DHX35: variants seen among roughly 807,000 people sequenced by gnomAD.
DHX35 encodes probable ATP-dependent RNA helicase DHX35.
DHX35 carries 84 observed loss-of-function variants against 99.6 expected under a neutral mutation model. The ratio of observed to expected loss-of-function variants is 0.84; its 90% CI spans 0.71 to 1.01. The LOEUF is 1.01. DHX35 is among the 50% of genes least tolerant of loss of function. DHX35 has a pLI of 0.00. For missense variants in DHX35, 852 were observed against 888.5 expected (o/e 0.96, Z 0.52); for synonymous variants, 331 against 316.2 (o/e 1.05, Z -0.50).
chr20:39,009,810 G>A (rs1389904959), intron 12 of DHX35, among the ~76,000 whole-genome samples: 1 of 152,086 alleles, frequency 6.6e-6, no homozygotes, highest in Non-Finnish European at 1.5e-5. Context: ...ATGATATTGT[G>A]TACCTGGCTT....
chr20:38,983,306 GT>G (rs2086201822), intron 3 of DHX35, among the ~76,000 whole-genome samples: 1 of 152,198 alleles, frequency 6.6e-6, no homozygotes, highest in South Asian at 2.1e-4. Context: ...GCTGAAATGT[GT>G]TGTGTGGTTG....
intron 11 of DHX35, among the ~76,000 whole-genome samples, chr20:39,005,939 G>A (rs531040441): frequency 6.6e-6 from 1 of 152,212 alleles, no homozygotes; most frequent in Admixed American, 6.5e-5. Context: ...TCAGGAGGTT[G>A]AGTAACTTGT....
At chr20:38,988,550 A>T (rs1194565708) in intron 4 of DHX35, among the ~76,000 whole-genome samples, 2 of 152,058 alleles carry the variant, frequency 1.3e-5, no homozygotes, top group East Asian at 3.9e-4. Flanking sequence ...GGATTGCTTG[A>T]ACTTGGGAGG....
chr20:38,992,336 A>G lies in DHX35; in HGVS notation c.513-20A>G. The G allele has an allele frequency of 6.2e-7, 1 of 1,613,058 alleles. No homozygotes were observed. The highest frequency in any genetic ancestry group is 8.5e-7 in the Non-Finnish European group (1 of 1,179,088). On this transcript the variant is annotated intron_variant, in intron 6 of 21. Coordinates refer to ENST00000252011, the MANE Select transcript of DHX35 (RefSeq NM_021931.4). ...GTGGCTTTTTTAGAGGCTCACTGAG[A>G]GCTTCTCTTTGATTCTTAGTGTCAT...
intron 8 of DHX35, among the ~76,000 whole-genome samples, chr20:38,995,930 C>T (rs2086422167): frequency 6.6e-6 from 1 of 152,196 alleles, no homozygotes; most frequent in Non-Finnish European, 1.5e-5. Context: ...GCCAGGCCCT[C>T]ATGGGTGAAT....
intron 1 of DHX35, among the ~76,000 whole-genome samples, chr20:38,965,242 A>T (rs1329541729): frequency 2.0e-5 from 3 of 152,242 alleles, no homozygotes; most frequent in African/African-American, 7.2e-5. Flanking sequence ...AGTCACTTTC[A>T]TTTACACATC....
chr20:38,998,569 T>TA (rs1304130670), intron 8 of DHX35, among the ~76,000 whole-genome samples: 1 of 152,238 alleles, frequency 6.6e-6, no homozygotes, highest in Non-Finnish European at 1.5e-5. Flanking sequence ...GTATGCTTCT[T>TA]ACCATGTCTG....
intron 3 of DHX35, among the ~76,000 whole-genome samples, chr20:38,980,165 T>C (rs2086149879): frequency 6.6e-6 from 1 of 152,046 alleles, no homozygotes; most frequent in South Asian, 2.1e-4. Context: ...GGTGACTAGC[T>C]TTATGGACAG....
chr20:39,015,047 C>G, intron 14 of DHX35, 113 bp downstream of exon 14: 1 of 1,198,852 alleles, frequency 8.3e-7, no homozygotes, highest in Non-Finnish European at 1.2e-6. Context: ...ATTGGTTCTC[C>G]CCATATATAT....
At position 38,978,203 on chromosome 20, in the gene DHX35, CTTTAA is replaced by C. The variant is rs2086112931; in HGVS notation, c.268-5493_268-5489del. 3.8e-6 allele frequency: 4 copies of C among 1,051,546 alleles called. No homozygotes were observed. The South Asian group carries it at 5.0e-5, about 13-fold the overall frequency. 65.1% of individuals were successfully genotyped at this position (1,051,546 alleles called of 1,614,324 possible). A position where few individuals can be genotyped will look rare whatever the true frequency, so the allele number is the denominator to read the frequency against. On this transcript the variant is annotated intron_variant, in intron 3 of 21. Transcript: ENST00000252011. ...GACATTTTCAAAGTTGCCAGTGTTACTTTAATTGGACTGCCTTCGTAATTCATTGC... is the reference window on the plus strand; with the variant it reads ...GACATTTTCAAAGTTGCCAGTGTTACTTGGACTGCCTTCGTAATTCATTGC...
At chr20:38,969,395 G>A (rs62202564) in intron 2 of DHX35, among the ~76,000 whole-genome samples, 181 bp downstream of exon 2, 2,222 of 152,302 alleles carry the variant, frequency 0.015, 58 homozygotes, top group African/African-American at 0.051. Context: ...AATCTTGAAA[G>A]TCCTTAAGAT....
Position 39,025,313 on chromosome 20 carries a change from G to GA in DHX35, c.1760dup (p.Leu588AlafsTer12). The GA allele has an allele frequency of 6.2e-7, 1 of 1,613,776 alleles. No individual in the cohort carries two copies. The highest frequency in any genetic ancestry group is 8.5e-7 in the Non-Finnish European group (1 of 1,179,846). On this transcript the variant is annotated frameshift_variant, in exon 18 of 22. Coordinates refer to ENST00000252011, the MANE Select transcript of DHX35 (RefSeq NM_021931.4). LOFTEE classifies it high-confidence loss of function. Reference sequence around the variant, plus strand: ...GAGCTGCGACTGTAAGAGAACAATTGAAAAAGCTTCTTGTCAAGTTTCAAG... The same window carrying GA: ...GAGCTGCGACTGTAAGAGAACAATTGAAAAAAGCTTCTTGTCAAGTTTCAAG...
At chr20:38,996,572 A>G (rs2145884254) in intron 8 of DHX35, among the ~76,000 whole-genome samples, 1 of 152,264 alleles carries the variant, frequency 6.6e-6, no homozygotes, top group South Asian at 2.1e-4. Context: ...ATAGGAGATG[A>G]GAGTAGATAT....
chr20:38,984,340 C>G (rs979447964), intron 4 of DHX35, among the ~76,000 whole-genome samples: 2 of 152,170 alleles, frequency 1.3e-5, no homozygotes, highest in Non-Finnish European at 2.9e-5. Context: ...CCAAATTTCA[C>G]CATCCAACAT....
rs896771524 is a variant in DHX35, at chr20:38,991,604, GTC to G, written c.512+91_512+92del. The G allele has an allele frequency of 5.1e-6, 6 of 1,175,478 alleles. No individual in the cohort carries two copies. In the African/African-American group the frequency reaches 7.7e-5, roughly 15 times the overall value. 72.8% of individuals were successfully genotyped at this position (1,175,478 alleles called of 1,614,324 possible). A position where few individuals can be genotyped will look rare whatever the true frequency, so the allele number is the denominator to read the frequency against. On this transcript the variant is annotated intron_variant, in intron 6 of 21. Coordinates refer to ENST00000252011, the MANE Select transcript of DHX35 (RefSeq NM_021931.4). ...AGGTGTGTTAGTAGCTGGGATTCAC[GTC>G]TGTGTTCAGCTGCCCCAAAGCTTTT...
chr20:38,980,915 C>T (rs533158072), intron 3 of DHX35, among the ~76,000 whole-genome samples: 3 of 152,302 alleles, frequency 2.0e-5, no homozygotes, highest in Non-Finnish European at 4.4e-5. Flanking sequence ...AATATGTCTT[C>T]ATCTTTCATG....
intron 5 of DHX35, among the ~76,000 whole-genome samples, chr20:38,989,879 C>G (rs1176532059): frequency 6.6e-6 from 1 of 152,000 alleles, no homozygotes. Context: ...TCAGACAGTG[C>G]AATAAAACAG....
intron 20 of DHX35, among the ~76,000 whole-genome samples, chr20:39,032,911 C>G (rs2087080501): frequency 6.6e-6 from 1 of 152,084 alleles, no homozygotes; most frequent in African/African-American, 2.4e-5. Context: ...GAAATGTTAC[C>G]CAGTGACCAC....
At chr20:39,022,111 A>G (rs1307810699) in intron 16 of DHX35, among the ~76,000 whole-genome samples, 176 bp downstream of exon 16, 1 of 152,076 alleles carries the variant, frequency 6.6e-6, no homozygotes, top group East Asian at 1.9e-4. Flanking sequence ...GCATCATTCC[A>G]CTTTATCTTC....
Sources: allele counts gnomAD v4.1 joint callset (sites outside exome capture counted in the v4.1 genomes callset), GRCh38; gene constraint gnomAD v4.1.1; transcripts MANE v1.5; gene names NCBI Gene and HGNC (gene_info 2026-07-23, HGNC 2026-07-21).